Variants in PTPRT observed in about 807,000 individuals in gnomAD.
PTPRT encodes the protein receptor-type tyrosine-protein phosphatase T.
In PTPRT, 56 loss-of-function variants were observed where a neutral mutation model predicts 176.8. That is an observed-to-expected ratio of 0.32 (90% CI 0.26 to 0.40). The LOEUF (loss-of-function observed/expected upper bound fraction) is 0.40, where lower values mean the gene tolerates loss of function less well. Ranked by LOEUF, PTPRT falls within the 10% of genes least tolerant of loss-of-function variation. PTPRT has a pLI of 1.00. For missense variants in PTPRT, 1,540 were observed against 1,908.2 expected (o/e 0.81, Z 3.60); for synonymous variants, 783 against 739.0 (o/e 1.06, Z -0.96).
chr20:42,253,158 T>C (rs1360656019), intron 13 of PTPRT, among the ~76,000 whole-genome samples: 1 of 152,162 alleles, frequency 6.6e-6, no homozygotes, highest in Non-Finnish European at 1.5e-5. Flanking sequence ...CCCGCTTTTG[T>C]GGCAGAGTCA....
intron 16 of PTPRT, among the ~76,000 whole-genome samples, chr20:42,195,747 G>T (rs569620464): frequency 2.0e-5 from 3 of 152,122 alleles, no homozygotes; most frequent in Admixed American, 6.6e-5. Context: ...GTATATTTGT[G>T]TATATATGAC....
At chr20:42,694,863 G>A (rs1274380955) in intron 6 of PTPRT, among the ~76,000 whole-genome samples, 1 of 152,170 alleles carries the variant, frequency 6.6e-6, no homozygotes, top group African/African-American at 2.4e-5. Context: ...TCAGAAGGCT[G>A]CAAACAGGAT....
At chr20:42,392,847 A>G (rs79585010) in intron 9 of PTPRT, among the ~76,000 whole-genome samples, 10,413 of 152,280 alleles carry the variant, frequency 0.068, 440 homozygotes, top group African/African-American at 0.12. Context: ...TGAGGCACCT[A>G]AAACAAAAGA....
chr20:42,929,881 T>C (rs931214838), intron 1 of PTPRT, among the ~76,000 whole-genome samples: 1 of 152,236 alleles, frequency 6.6e-6, no homozygotes, highest in Admixed American at 6.5e-5. Flanking sequence ...GCAAACAATT[T>C]ATTAAGTACT....
intron 6 of PTPRT, among the ~76,000 whole-genome samples, chr20:42,714,546 C>A (rs988307214): frequency 2.6e-5 from 4 of 152,204 alleles, no homozygotes; most frequent in Admixed American, 2.0e-4. Context: ...ATGACAAACA[C>A]GTCCACATCT....
chr20:42,200,600 A>C (rs1991409756), intron 15 of PTPRT, among the ~76,000 whole-genome samples: 1 of 152,214 alleles, frequency 6.6e-6, no homozygotes, highest in Admixed American at 6.5e-5. Context: ...TGTCCTTTAA[A>C]TTTTAACTGG....
the PTPRT span, among the ~76,000 whole-genome samples, chr20:42,042,009 C>T: frequency 6.6e-6 from 1 of 152,164 alleles, no homozygotes; most frequent in Non-Finnish European, 1.5e-5. Context: ...TGTCAAGCCT[C>T]ATAGGCCTAC....
intron 9 of PTPRT, among the ~76,000 whole-genome samples, chr20:42,361,086 T>C (rs2058425382): frequency 6.6e-6 from 1 of 152,156 alleles, no homozygotes; most frequent in South Asian, 2.1e-4. Context: ...ACATCCTGTG[T>C]GAACAGTTTC....
chr20:42,699,789 T>C (rs1316346156), intron 6 of PTPRT, among the ~76,000 whole-genome samples: 1 of 152,222 alleles, frequency 6.6e-6, no homozygotes, highest in Non-Finnish European at 1.5e-5. Context: ...CCAAGTACAG[T>C]GCCTTACAAA....
At position 42,079,212 on chromosome 20, in the gene PTPRT, T is replaced by C. The variant is rs186617821; in HGVS notation, c.*1667A>G. 6.2e-5 allele frequency: 13 copies of C among 208,018 alleles called. 1 individual carries two copies. In the East Asian group the frequency reaches 8.6e-4, roughly 14 times the overall value. The allele number at this position is 208,018 out of a possible 1,614,324, so 12.9% of individuals were successfully genotyped here. A position where few individuals can be genotyped will look rare whatever the true frequency, so the allele number is the denominator to read the frequency against. On this transcript the variant is annotated 3_prime_UTR_variant, in exon 31 of 31. Transcript: ENST00000373187. ...TGGCTTTCCTGGGGAGCTGGGAATG[T>C]GTTACTAAAATATATCTGAAATTCT...
At chr20:43,021,891 T>C (rs1294857403) in intron 1 of PTPRT, among the ~76,000 whole-genome samples, 1 of 151,306 alleles carries the variant, frequency 6.6e-6, no homozygotes, top group African/African-American at 2.4e-5. Flanking sequence ...TCTATCCACA[T>C]AGTGTCCCTG....
chr20:42,754,268 C>T (rs1279297906), intron 6 of PTPRT, among the ~76,000 whole-genome samples: 1 of 152,206 alleles, frequency 6.6e-6, no homozygotes, highest in Non-Finnish European at 1.5e-5. Flanking sequence ...TCACCACAAC[C>T]TCCGTCTCCT....
intron 8 of PTPRT, among the ~76,000 whole-genome samples, chr20:42,449,916 C>T (rs947796045): frequency 6.6e-6 from 1 of 152,028 alleles, no homozygotes; most frequent in African/African-American, 2.4e-5. Flanking sequence ...TCTTTTTATG[C>T]ATATAAAATT....
At chr20:42,707,788 G>C (rs1040444030) in intron 6 of PTPRT, among the ~76,000 whole-genome samples, 2 of 152,100 alleles carry the variant, frequency 1.3e-5, no homozygotes, top group Admixed American at 6.6e-5. Context: ...ACCCCATCTC[G>C]AAAATCAAAA....
chr20:42,685,362 A>G (rs1216010004), intron 6 of PTPRT: 1 of 152,150 alleles, frequency 6.6e-6, no homozygotes, highest in African/African-American at 2.4e-5. Context: ...TGATATAAGA[A>G]TGATCAGTCC....
At chr20:42,824,519 CTA>C (rs1191683546) in intron 2 of PTPRT, among the ~76,000 whole-genome samples, 11 of 151,848 alleles carry the variant, frequency 7.2e-5, no homozygotes, top group Non-Finnish European at 1.0e-4. Context: ...GGGAGAAAGG[CTA>C]AACTATTAAT....
intron 17 of PTPRT, among the ~76,000 whole-genome samples, chr20:42,152,343 T>A (rs1989172769): frequency 6.6e-6 from 1 of 152,136 alleles, no homozygotes; most frequent in Non-Finnish European, 1.5e-5. Context: ...CTATTCAGAG[T>A]GGCATCAGGA....
intron 1 of PTPRT, among the ~76,000 whole-genome samples, chr20:43,108,364 C>T (rs1236147637): frequency 2.0e-5 from 3 of 152,168 alleles, no homozygotes; most frequent in Non-Finnish European, 2.9e-5. Flanking sequence ...GTATCAACTG[C>T]CAGCCCAGTT....
chr20:42,538,340 C>T (rs2072513357), intron 7 of PTPRT, among the ~76,000 whole-genome samples: 1 of 152,092 alleles, frequency 6.6e-6, no homozygotes, highest in Non-Finnish European at 1.5e-5. Flanking sequence ...AATAGAGTAT[C>T]AGATGTCATC....
Sources: allele counts gnomAD v4.1 joint callset (sites outside exome capture counted in the v4.1 genomes callset), GRCh38; gene constraint gnomAD v4.1.1; transcripts MANE v1.5; gene names NCBI Gene and HGNC (gene_info 2026-07-23, HGNC 2026-07-21).